Variants in SLC44A3 observed in about 807,000 individuals in gnomAD.
SLC44A3 encodes the protein choline transporter-like protein 3.
In SLC44A3, 74 loss-of-function variants were observed where a neutral mutation model predicts 75.4. The ratio of observed to expected loss-of-function variants is 0.98; its 90% CI spans 0.81 to 1.19. The LOEUF is 1.19. SLC44A3 is among the 50% of genes most tolerant of loss of function. The pLI, the probability that SLC44A3 is intolerant of heterozygous loss-of-function variation, is 0.00. For missense variants in SLC44A3, 700 were observed against 778.6 expected, an observed-to-expected ratio of 0.90 and a Z score of 1.20; for synonymous variants, 310 against 296.9, an observed-to-expected ratio of 1.04 and a Z score of -0.45.
chr1:94,821,441 TA>T (rs1241157509), intron 2 of SLC44A3, among the ~76,000 whole-genome samples: 1 of 152,172 alleles, frequency 6.6e-6, no homozygotes, highest in Admixed American at 6.5e-5. Context: ...AAAGCCAGGG[TA>T]AGCCTAGAAA....
intron 9 of SLC44A3, among the ~76,000 whole-genome samples, chr1:94,853,165 G>A (rs1297251789): frequency 6.6e-6 from 1 of 152,210 alleles, no homozygotes; most frequent in Non-Finnish European, 1.5e-5. Flanking sequence ...CTGAAAGGGA[G>A]TGACCAGTGG....
At chr1:94,828,388 A>G in intron 4 of SLC44A3, 105 bp from the exon 5 acceptor site, 3 of 864,516 alleles carry the variant, frequency 3.5e-6, no homozygotes, top group Non-Finnish European at 5.5e-6. Context: ...TCACCCATAG[A>G]CCTTGTAGTT....
intron 8 of SLC44A3, among the ~76,000 whole-genome samples, chr1:94,844,538 C>T (rs896145809): frequency 3.3e-5 from 5 of 152,160 alleles, no homozygotes; most frequent in African/African-American, 9.7e-5. Flanking sequence ...GAAAATGTTT[C>T]GAGAAAAGAG....
chr1:94,849,123 G>A (rs1402141345), intron 9 of SLC44A3, among the ~76,000 whole-genome samples: 1 of 152,140 alleles, frequency 6.6e-6, no homozygotes, highest in Non-Finnish European at 1.5e-5. Context: ...CACTGCAAGA[G>A]AGACCTGGAG....
chr1:94,850,023 T>C (rs1664998620), intron 9 of SLC44A3, among the ~76,000 whole-genome samples: 1 of 152,200 alleles, frequency 6.6e-6, no homozygotes, highest in African/African-American at 2.4e-5. Context: ...TTTGGGATTA[T>C]AGGCGTGAGC....
At chr1:94,894,733 G>C in intron 14 of SLC44A3, 85 bp from the exon 15 acceptor site, 1 of 1,101,524 alleles carries the variant, frequency 9.1e-7, no homozygotes, top group Non-Finnish European at 1.3e-6. Context: ...CCGTCAGAGG[G>C]CAAAGGAGAA....
intron 9 of SLC44A3, among the ~76,000 whole-genome samples, chr1:94,847,175 A>G (rs559079585): frequency 6.6e-6 from 1 of 152,376 alleles, no homozygotes; most frequent in South Asian, 2.1e-4. Context: ...CTAAAGTAGG[A>G]TGTAAGGTAA....
intron 14 of SLC44A3, among the ~76,000 whole-genome samples, chr1:94,893,764 CA>C (rs1471802520): frequency 6.6e-6 from 1 of 152,132 alleles, no homozygotes; most frequent in Non-Finnish European, 1.5e-5. Context: ...TGTAGCTAGC[CA>C]GGTCTCCATC....
In SLC44A3 at chr1:94,894,826, A is replaced by T. The variant is rs1670601595; in HGVS notation, c.1866A>T (p.Val622=). 3 of 1,609,782 alleles carry T rather than the reference A, an allele frequency of 1.9e-6. No individual in the cohort carries two copies. The change falls in exon 15 of 15, where the codon GTA becomes GTT. Residue 622 remains valine (V), a synonymous_variant. Coordinates refer to ENST00000271227, the MANE Select transcript of SLC44A3 (RefSeq NM_001114106.3). ...YFMDQEFLSF[V]KRSNKLNNAR... ...GTTCTTTTGTTTTTCAGAGTTTCGT[A>T]AAAAGGAGCAACAAATTAAACAATG...
chr1:94,882,221 C>T (rs1264292262), intron 12 of SLC44A3, among the ~76,000 whole-genome samples: 1 of 152,166 alleles, frequency 6.6e-6, no homozygotes, highest in East Asian at 1.9e-4. Context: ...GGATGAAGAG[C>T]ATGTCCAGGG....
At chr1:94,821,112 T>G in intron 2 of SLC44A3, 56 bp downstream of exon 2, 4 of 1,360,406 alleles carry the variant, frequency 2.9e-6, no homozygotes, top group Non-Finnish European at 4.0e-6. Flanking sequence ...CGTCTGGAAA[T>G]AACTCTGTCC....
chr1:94,827,036 G>C (rs944040413), intron 3 of SLC44A3, among the ~76,000 whole-genome samples: 7 of 152,196 alleles, frequency 4.6e-5, no homozygotes, highest in Non-Finnish European at 1.0e-4. Context: ...GGGAGAAGGG[G>C]GAAAAGACAA....
At chr1:94,875,520 TCC>T (rs528610760) in intron 12 of SLC44A3, among the ~76,000 whole-genome samples, 95 of 146,312 alleles carry the variant, frequency 6.5e-4, no homozygotes, top group Non-Finnish European at 9.5e-4. Context: ...CTTCTGAGCC[TCC>T]TGGAGGACAG....
At chr1:94,865,698 C>T (rs999736387) in intron 11 of SLC44A3, among the ~76,000 whole-genome samples, 1 of 152,110 alleles carries the variant, frequency 6.6e-6, no homozygotes, top group East Asian at 1.9e-4. Context: ...TTAATCTCTT[C>T]CCCCGTCACC....
At chr1:94,860,968 A>G (rs1211321344) in intron 10 of SLC44A3, among the ~76,000 whole-genome samples, 1 of 152,168 alleles carries the variant, frequency 6.6e-6, no homozygotes, top group Non-Finnish European at 1.5e-5. Context: ...AGAAAATGGA[A>G]CTGAGGGAAT....
At chr1:94,886,542 CT>C (rs1669611024) in intron 12 of SLC44A3, among the ~76,000 whole-genome samples, 1 of 152,126 alleles carries the variant, frequency 6.6e-6, no homozygotes, top group Non-Finnish European at 1.5e-5. Context: ...ACAGGCAACA[CT>C]GGGGCCAGCT....
rs1364685609 is a variant in SLC44A3 at position 94,849,163 on chromosome 1, C to T, written c.1072+3699C>T. On this transcript the variant is annotated intron_variant, in intron 9 of 14. Coordinates refer to ENST00000271227, the MANE Select transcript of SLC44A3 (RefSeq NM_001114106.3). Reference sequence around the variant, plus strand: ...TTCTTCAGGGCTGAAGGTAGCGTGTCATTCTGCAGCCACCTCTCAGGATCA... The same window carrying T: ...TTCTTCAGGGCTGAAGGTAGCGTGTTATTCTGCAGCCACCTCTCAGGATCA... Among the ~76,000 whole-genome samples, 7 of 152,136 alleles carry T rather than the reference C, an allele frequency of 4.6e-5. No homozygotes were observed. In the East Asian group the frequency reaches 1.4e-3, roughly 29 times the overall value.
At chr1:94,881,366 T>C (rs1668948142) in intron 12 of SLC44A3, among the ~76,000 whole-genome samples, 2 of 152,184 alleles carry the variant, frequency 1.3e-5, no homozygotes, top group African/African-American at 4.8e-5. Flanking sequence ...TCTCCCACCA[T>C]TTCCTCAGTT....
At chr1:94,864,633 A>G in intron 10 of SLC44A3, 110 bp from the exon 11 acceptor site, 1 of 1,151,062 alleles carries the variant, frequency 8.7e-7, no homozygotes, top group Non-Finnish European at 1.2e-6. Context: ...CCAAATGCTT[A>G]TTATGTCACA....
Sources: allele counts gnomAD v4.1 joint callset (sites outside exome capture counted in the v4.1 genomes callset), GRCh38; gene constraint gnomAD v4.1.1; transcripts MANE v1.5; gene names NCBI Gene and HGNC (gene_info 2026-07-23, HGNC 2026-07-21).